Variants in NOSTRIN observed in about 807,000 individuals in gnomAD.
The protein encoded by NOSTRIN is nitric oxide synthase trafficking.
A neutral mutation model predicts 59.0 loss-of-function variants in NOSTRIN; 63 were observed. The observed-to-expected ratio is 1.07, with a 90% CI of 0.87 to 1.32. NOSTRIN has a LOEUF of 1.32. Ranked by LOEUF, NOSTRIN falls within the 40% of genes most tolerant of loss-of-function variation. NOSTRIN has a pLI of 0.00. For missense variants in NOSTRIN, 512 were observed against 473.1 expected (o/e 1.08, Z -0.76); for synonymous variants, 200 against 165.4 (o/e 1.21, Z -1.61).
At chr2:168,834,979 A>G (rs1021452801) in intron 7 of NOSTRIN, among the ~76,000 whole-genome samples, 1 of 152,218 alleles carries the variant, frequency 6.6e-6, no homozygotes, top group African/African-American at 2.4e-5. Flanking sequence ...TCTTTAGATA[A>G]TCATTAAGTA....
chr2:168,791,692 T>C (rs1685357440), intron 2 of NOSTRIN, among the ~76,000 whole-genome samples: 1 of 152,182 alleles, frequency 6.6e-6, no homozygotes, highest in East Asian at 1.9e-4. Context: ...TTCTAACTGG[T>C]GTGAGATGGT....
intron 6 of NOSTRIN, among the ~76,000 whole-genome samples, chr2:168,832,655 T>C (rs916357376): frequency 6.6e-6 from 1 of 152,214 alleles, no homozygotes; most frequent in Non-Finnish European, 1.5e-5. Flanking sequence ...GTATCCACAG[T>C]AGTTACAATG....
chr2:168,798,329 A>T (rs1685535650), upstream of NOSTRIN: 2 of 152,202 alleles, frequency 1.3e-5, no homozygotes, highest in Non-Finnish European at 2.9e-5. Context: ...GCTACTAAAG[A>T]AACTTCCAAG....
chr2:168,817,382 C>T (rs749269514), intron 2 of NOSTRIN, among the ~76,000 whole-genome samples: 9 of 152,180 alleles, frequency 5.9e-5, no homozygotes, highest in Non-Finnish European at 1.3e-4. Context: ...GTGGGGAGCC[C>T]ACAGGGGCTA....
chr2:168,863,344 T>C, intron 15 of NOSTRIN: 1 of 918,040 alleles, frequency 1.1e-6, no homozygotes, highest in Middle Eastern at 5.6e-4. Context: ...GTAGAAAAGA[T>C]AGAAAAGGAG....
At chr2:168,787,594 C>T (rs1327808112) in intron 1 of NOSTRIN, among the ~76,000 whole-genome samples, 16 of 152,192 alleles carry the variant, frequency 1.1e-4, no homozygotes, top group Admixed American at 5.2e-4. Flanking sequence ...AGGGCAAAGG[C>T]CTTACCTTTT....
At chr2:168,813,181 A>G (rs1244615917) in intron 2 of NOSTRIN, among the ~76,000 whole-genome samples, 3 of 152,222 alleles carry the variant, frequency 2.0e-5, no homozygotes, top group Non-Finnish European at 4.4e-5. Flanking sequence ...TATGACTCCT[A>G]TGAATTCAAC....
intron 2 of NOSTRIN, 109 bp from the exon 3 acceptor site, chr2:168,824,525 C>T: frequency 1.5e-6 from 1 of 650,310 alleles, no homozygotes; most frequent in Non-Finnish European, 2.9e-6. Context: ...TCTTGAACTC[C>T]TGGCCTCAAG....
chr2:168,798,634 A>G (rs1685543305), upstream of NOSTRIN, among the ~76,000 whole-genome samples: 2 of 152,228 alleles, frequency 1.3e-5, no homozygotes, highest in Admixed American at 6.5e-5. Context: ...GAGGTCAGAC[A>G]GTAAATCTAA....
chr2:168,848,768 T>C (rs1688575663), intron 8 of NOSTRIN, among the ~76,000 whole-genome samples: 1 of 152,272 alleles, frequency 6.6e-6, no homozygotes, highest in Middle Eastern at 3.4e-3. Flanking sequence ...AGAATGGTGG[T>C]TGCCAGGGGA....
At chr2:168,853,227 T>G (rs1338570740) in intron 10 of NOSTRIN, among the ~76,000 whole-genome samples, 1 of 152,216 alleles carries the variant, frequency 6.6e-6, no homozygotes, top group Non-Finnish European at 1.5e-5. Context: ...CTTGACATCT[T>G]TAAGGCAAAG....
intron 12 of NOSTRIN, among the ~76,000 whole-genome samples, chr2:168,858,795 G>A (rs1158858106): frequency 6.6e-6 from 1 of 152,182 alleles, no homozygotes; most frequent in Non-Finnish European, 1.5e-5. Context: ...AGGTGTGGGG[G>A]AGAGAGGGAT....
chr2:168,854,625 G>T (rs1221251744), intron 10 of NOSTRIN, among the ~76,000 whole-genome samples: 1 of 151,998 alleles, frequency 6.6e-6, no homozygotes, highest in Admixed American at 6.6e-5. Flanking sequence ...CATGCAACAG[G>T]TGTCTTTATT....
At chr2:168,861,027 C>A (rs1179904607) in intron 14 of NOSTRIN, 118 bp downstream of exon 14, 6 of 644,926 alleles carry the variant, frequency 9.3e-6, no homozygotes, top group African/African-American at 9.2e-5. Flanking sequence ...ATTTATATTT[C>A]CATTGGGACC....
intron 1 of NOSTRIN, among the ~76,000 whole-genome samples, chr2:168,806,901 G>A (rs1236646305): frequency 2.0e-5 from 3 of 152,148 alleles, no homozygotes; most frequent in Non-Finnish European, 4.4e-5. Context: ...GAAGCCAGCT[G>A]TATTGCACAT....
intron 7 of NOSTRIN, among the ~76,000 whole-genome samples, chr2:168,838,789 C>CTT (rs71003059): frequency 0.04 from 5,485 of 136,276 alleles, 218 homozygotes; most frequent in African/African-American, 0.088. Context: ...AAAAAAAACT[C>CTT]TTTTTTTTTT....
Position 168,860,917 on chromosome 2 carries a change from C to A in NOSTRIN, c.1294+8C>A. 1 of 1,585,366 alleles carries A rather than the reference C, an allele frequency of 6.3e-7. No homozygotes were observed. Among genetic ancestry groups the A allele is most frequent in the Non-Finnish European group, 8.7e-7 (1 of 1,154,066 alleles). ...CAGGTTCTTCAACTCCAGGTAATCC[C>A]ATGCCCACAATCATTTTGGCCTGGG... On this transcript the variant is annotated splice_region_variant and intron_variant, in intron 14 of 15. Transcript: ENST00000317647.
At chr2:168,800,691 A>G (rs987416982), upstream of NOSTRIN, among the ~76,000 whole-genome samples, 1 of 152,112 alleles carries the variant, frequency 6.6e-6, no homozygotes, top group African/African-American at 2.4e-5. Flanking sequence ...AGGGAGGCCA[A>G]TTTCCTCAGT....
chr2:168,855,179 AG>A (rs773553754), intron 10 of NOSTRIN, among the ~76,000 whole-genome samples, 172 bp from the exon 11 acceptor site: 48 of 152,250 alleles, frequency 3.2e-4, no homozygotes, highest in Non-Finnish European at 2.4e-4. Flanking sequence ...CTTATTCATC[AG>A]GTCTCGAACA....
Sources: allele counts gnomAD v4.1 joint callset (sites outside exome capture counted in the v4.1 genomes callset), GRCh38; gene constraint gnomAD v4.1.1; transcripts MANE v1.5; gene names NCBI Gene and HGNC (gene_info 2026-07-23, HGNC 2026-07-21).